PPP6R3: variants seen among roughly 807,000 people sequenced by gnomAD.
The protein encoded by PPP6R3 is protein phosphatase 6 regulatory subunit 3.
A neutral mutation model predicts 110.7 loss-of-function variants in PPP6R3; 38 were observed. That is an observed-to-expected ratio of 0.34 (90% confidence interval 0.26 to 0.45). The LOEUF is 0.45. Ranked by LOEUF, PPP6R3 falls within the 20% of genes least tolerant of loss-of-function variation. The pLI, the probability that PPP6R3 is intolerant of heterozygous loss-of-function variation, is 1.00. For missense variants in PPP6R3, 870 were observed against 1,062.4 expected, an observed-to-expected ratio of 0.82 and a Z score of 2.52; for synonymous variants, 369 against 373.5, an observed-to-expected ratio of 0.99 and a Z score of 0.14.
intron 15 of PPP6R3, among the ~76,000 whole-genome samples, chr11:68,585,659 G>A (rs10896347): frequency 0.23 from 34,996 of 152,132 alleles, 4,269 homozygotes; most frequent in Middle Eastern, 0.32. Flanking sequence ...GATTTGAAAT[G>A]TGAAGTTCTT....
chr11:68,615,304 AAAAT>A lies in PPP6R3; in HGVS notation c.*2191_*2194del, dbSNP rs1266437765. On this transcript the variant is annotated 3_prime_UTR_variant, in exon 24 of 24. Transcript: ENST00000393800. ...TACAATACCTGTATTCAAAATAACA[AAAAT>A]AAAGCCTGATTCTTTGTTTCTAGAA... 7 of 352,986 alleles carry A rather than the reference AAAAT, an allele frequency of 2.0e-5. No homozygotes were observed. Among genetic ancestry groups the A allele is most frequent in the Admixed American group, 1.1e-4 (3 of 26,476 alleles). The allele number at this position is 352,986 out of a possible 1,614,324, so 21.9% of individuals were successfully genotyped here. A position where few individuals can be genotyped will look rare whatever the true frequency, so the allele number is the denominator to read the frequency against.
At chr11:68,481,450 T>A (rs1342028499) in intron 1 of PPP6R3, among the ~76,000 whole-genome samples, 1 of 152,198 alleles carries the variant, frequency 6.6e-6, no homozygotes, top group African/African-American at 2.4e-5. Context: ...CCAAGGAGTT[T>A]GAAATGCATA....
chr11:68,518,876 C>G (rs529983091), intron 1 of PPP6R3, among the ~76,000 whole-genome samples: 7 of 152,270 alleles, frequency 4.6e-5, no homozygotes, highest in African/African-American at 1.4e-4. Flanking sequence ...TCAGGCTTCA[C>G]TACTTAGAGG....
chr11:68,607,884 C>T (rs1941153651), intron 22 of PPP6R3, among the ~76,000 whole-genome samples: 1 of 152,024 alleles, frequency 6.6e-6, no homozygotes, highest in African/African-American at 2.4e-5. Flanking sequence ...AGCAGTCCTC[C>T]CACCTCAGTA....
intron 12 of PPP6R3, among the ~76,000 whole-genome samples, chr11:68,572,377 G>A (rs185385819): frequency 4.2e-4 from 64 of 152,240 alleles, no homozygotes; most frequent in African/African-American, 1.5e-3. Context: ...AACTTTCCTT[G>A]TTTCCTTGCA....
At position 68,549,574 on chromosome 11, in the gene PPP6R3, G is replaced by A. The variant is rs577464681; in HGVS notation, c.552+1370G>A. Among the ~76,000 whole-genome samples, 82 of 152,326 alleles carry A rather than the reference G, an allele frequency of 5.4e-4. 1 individual carries two copies. The highest frequency in any genetic ancestry group is 1.9e-3 in the African/African-American group (77 of 41,558). On this transcript the variant is annotated intron_variant, in intron 5 of 23. Coordinates refer to ENST00000393800, the MANE Select transcript of PPP6R3 (RefSeq NM_001164161.2). The stretch of plus-strand genomic sequence containing the variant: ...TTGGGACACCTGTTTCCTTTTGGGT[G>A]TGTCTTTGTAGATGTATCTTTTCCC...
chr11:68,515,633 G>A (rs1197772886), intron 1 of PPP6R3, among the ~76,000 whole-genome samples: 1 of 152,296 alleles, frequency 6.6e-6, no homozygotes, highest in South Asian at 2.1e-4. Context: ...TGTGTCTTTC[G>A]AGATTATGAC....
chr11:68,497,241 A>G (rs1410533480), intron 1 of PPP6R3, among the ~76,000 whole-genome samples: 2 of 144,170 alleles, frequency 1.4e-5, no homozygotes, highest in Non-Finnish European at 3.0e-5. Context: ...TTTTTAGTAG[A>G]GATGGGGTTT....
At position 68,554,237 on chromosome 11, in the gene PPP6R3, C is replaced by G. The variant is rs767104341; in HGVS notation, c.711C>G (p.Pro237=). The stretch of plus-strand genomic sequence containing the variant: ...TTCAGAACAGTACAGAGCCCGACCC[C>G]CTGCTTGCCACTCTAGAAAAGTATG... The part of the protein sequence containing the change: ...LQIQNSTEPD[P]LLATLEKQEI... The change falls in exon 7 of 24, where the codon CCC becomes CCG. Residue 237 remains proline (P), a synonymous_variant. Transcript: ENST00000393800. The G allele has an allele frequency of 1.2e-6, 2 of 1,612,036 alleles. No homozygotes were observed. The highest frequency in any genetic ancestry group is 2.7e-5 in the African/African-American group (2 of 74,842).
intron 19 of PPP6R3, among the ~76,000 whole-genome samples, chr11:68,596,589 G>A (rs1168623010): frequency 3.3e-5 from 5 of 152,324 alleles, no homozygotes; most frequent in East Asian, 1.9e-4. Context: ...GTGTGGCTTC[G>A]TGAGTGGAAT....
intron 14 of PPP6R3, among the ~76,000 whole-genome samples, chr11:68,581,962 C>G (rs1184367868): frequency 1.3e-5 from 2 of 152,182 alleles, no homozygotes; most frequent in Non-Finnish European, 2.9e-5. Flanking sequence ...AAGGGAGATT[C>G]ATCTTGTTCA....
chr11:68,496,477 A>G (rs1184027204), intron 1 of PPP6R3, among the ~76,000 whole-genome samples: 1 of 149,296 alleles, frequency 6.7e-6, no homozygotes, highest in Admixed American at 6.7e-5. Flanking sequence ...CGCTTGCCTC[A>G]TTTGGTTTTT....
rs897671215 is a variant in PPP6R3 at position 68,611,149 on chromosome 11, G to A, written c.2570+1126G>A. Reference sequence around the variant, plus strand: ...GAAGCTGCCTCAACTCTGCTTCTACGGATTGGGCAAGTCACTCTCTTTCTT... The same window carrying A: ...GAAGCTGCCTCAACTCTGCTTCTACAGATTGGGCAAGTCACTCTCTTTCTT... On this transcript the variant is annotated intron_variant, in intron 23 of 23. Coordinates refer to ENST00000393800, the MANE Select transcript of PPP6R3 (RefSeq NM_001164161.2). Among the ~76,000 whole-genome samples, 45 of 152,106 alleles carry A rather than the reference G, an allele frequency of 3.0e-4. 2 individuals are homozygous for A. Among genetic ancestry groups the A allele is most frequent in the Admixed American group, 2.2e-3 (33 of 15,286 alleles).
chr11:68,544,495 AGCCTGATG>A (rs1565732847), intron 3 of PPP6R3, among the ~76,000 whole-genome samples: 1 of 152,218 alleles, frequency 6.6e-6, no homozygotes, highest in African/African-American at 2.4e-5. Flanking sequence ...AGGAGGCTGT[AGCCTGATG>A]GCTCGTACGT....
rs763755321 is a variant in PPP6R3 at position 68,609,965 on chromosome 11, G to A, written c.2512G>A (p.Glu838Lys). ...TTGTAAAGACGCAGAGGAGTGTCCCGAGACTGCAGAGGCGAAGTGCGCGGC... is the reference window on the plus strand; with the variant it reads ...TTGTAAAGACGCAGAGGAGTGTCCCAAGACTGCAGAGGCGAAGTGCGCGGC... ...AACKDAEECP[E>K]TAEAKCAAPR... is the part of the protein sequence containing the mutation. The change falls in exon 23 of 24, where the codon GAG (glutamate) becomes AAG (lysine). Residue 838 changes from glutamate to lysine, a missense_variant. Physicochemically the swap from Glu to Lys is moderately conservative, Grantham distance 56. Coordinates refer to ENST00000393800, the MANE Select transcript of PPP6R3 (RefSeq NM_001164161.2). The A allele has an allele frequency of 4.0e-5, 65 of 1,614,026 alleles. No individual in the cohort carries two copies. The highest frequency in any genetic ancestry group is 5.1e-5 in the Non-Finnish European group (60 of 1,180,030).
intron 22 of PPP6R3, among the ~76,000 whole-genome samples, chr11:68,606,563 G>T (rs1940127229): frequency 6.7e-6 from 1 of 149,010 alleles, no homozygotes. Flanking sequence ...CAATCCACCT[G>T]CCTCCACCTC....
intron 2 of PPP6R3, among the ~76,000 whole-genome samples, chr11:68,536,711 G>A (rs2099272861): frequency 6.6e-6 from 1 of 152,160 alleles, no homozygotes; most frequent in Non-Finnish European, 1.5e-5. Flanking sequence ...CACTAAGTGG[G>A]TAGTGAAGCT....
intron 4 of PPP6R3, among the ~76,000 whole-genome samples, chr11:68,547,483 C>A (rs894622115): frequency 1.3e-5 from 2 of 152,036 alleles, no homozygotes; most frequent in African/African-American, 2.4e-5. Flanking sequence ...GCCATTCTCA[C>A]GTTCCTTCAG....
chr11:68,544,737 A>AT (rs1348913104), intron 3 of PPP6R3, 101 bp from the exon 4 acceptor site: 1 of 785,660 alleles, frequency 1.3e-6, no homozygotes, highest in Non-Finnish European at 1.9e-6. Flanking sequence ...AAACGATTTT[A>AT]TTTTTTTCAC....
Sources: gnomAD v4.1 joint callset for allele counts (sites outside exome capture counted in the v4.1 genomes callset) on GRCh38, gnomAD v4.1.1 for gene constraint, MANE v1.5 for transcripts, NCBI Gene and HGNC (gene_info 2026-07-23, HGNC 2026-07-21) for gene names.